The following CSMD3 variants were observed in gnomAD, a reference collection of about 807,000 sequenced individuals.
CSMD3 encodes the protein CUB and Sushi multiple domains 3.
CSMD3 carries 177 observed loss-of-function variants against 435.2 expected under a neutral mutation model. The observed-to-expected ratio is 0.41, with a 90% CI of 0.36 to 0.46. The LOEUF is 0.46. Ranked by LOEUF, CSMD3 falls within the 20% of genes least tolerant of loss-of-function variation. The probability of loss-of-function intolerance (pLI) is 0.34; values close to 1 mark genes in which losing one functional copy is unlikely to be tolerated. For synonymous variants in CSMD3, 1,656 were observed against 1,520.5 expected (o/e 1.09, Z -2.07); for missense variants, 4,265 against 4,504.6 (o/e 0.95, Z 1.52).
intron 40 of CSMD3, among the ~76,000 whole-genome samples, chr8:112,347,650 T>G (rs1189639028): frequency 6.6e-6 from 1 of 152,190 alleles, no homozygotes; most frequent in Non-Finnish European, 1.5e-5. Context: ...CCCATATGCT[T>G]TTTTATGCTT....
rs113718916 is a variant in CSMD3, at chr8:113,372,758, C to A, written c.179-57965G>T. On this transcript the variant is annotated intron_variant, in intron 1 of 70. Coordinates refer to ENST00000297405, the MANE Select transcript of CSMD3 (RefSeq NM_198123.2). Reference sequence around the variant, plus strand: ...ACCATCCTGGCTAACAAGGTGAAACCCCGTCTCTAACTAAAAATACAAAAA... The same window carrying A: ...ACCATCCTGGCTAACAAGGTGAAACACCGTCTCTAACTAAAAATACAAAAA... Among the ~76,000 whole-genome samples, 1,321 of 151,906 alleles carry A rather than the reference C, an allele frequency of 8.7e-3. 17 individuals carry two copies. Among genetic ancestry groups the A allele is most frequent in the African/African-American group, 0.03 (1,238 of 41,474 alleles).
At chr8:113,080,365 T>C (rs1221134314) in intron 5 of CSMD3, among the ~76,000 whole-genome samples, 1 of 152,200 alleles carries the variant, frequency 6.6e-6, no homozygotes, top group African/African-American at 2.4e-5. Context: ...TGGATGTAAC[T>C]ACTGAAGCTA....
At chr8:113,403,629 G>C (rs2094519976) in intron 1 of CSMD3, among the ~76,000 whole-genome samples, 1 of 151,314 alleles carries the variant, frequency 6.6e-6, no homozygotes, top group South Asian at 2.1e-4. Context: ...AGCAATTTTT[G>C]CATTAGTACT....
chr8:112,714,648 A>C (rs2076683826), intron 13 of CSMD3, among the ~76,000 whole-genome samples: 1 of 152,222 alleles, frequency 6.6e-6, no homozygotes, highest in Non-Finnish European at 1.5e-5. Context: ...CATCTCACTT[A>C]TTCTAAAATC....
chr8:113,098,239 T>C (rs542240472), intron 5 of CSMD3, among the ~76,000 whole-genome samples: 1 of 152,188 alleles, frequency 6.6e-6, no homozygotes, highest in Admixed American at 6.6e-5. Flanking sequence ...CTCAATGATA[T>C]AATTAGATAC....
At chr8:112,713,166 T>C (rs980157605) in intron 13 of CSMD3, among the ~76,000 whole-genome samples, 2 of 151,980 alleles carry the variant, frequency 1.3e-5, no homozygotes, top group African/African-American at 4.8e-5. Flanking sequence ...ATCCCACCCC[T>C]TAGCCAAGGG....
intron 10 of CSMD3, among the ~76,000 whole-genome samples, chr8:112,914,467 C>T (rs758336713): frequency 2.0e-5 from 3 of 151,560 alleles, no homozygotes; most frequent in Non-Finnish European, 4.4e-5. Flanking sequence ...GATGTTGACA[C>T]TATTTACCTA....
chr8:112,962,359 A>G (rs1030207417), intron 7 of CSMD3, among the ~76,000 whole-genome samples: 7 of 151,854 alleles, frequency 4.6e-5, no homozygotes, highest in Admixed American at 2.6e-4. Context: ...TTCGCACTCA[A>G]CATAAGAAAT....
chr8:112,841,232 G>A (rs1218653599), intron 11 of CSMD3, among the ~76,000 whole-genome samples: 1 of 151,444 alleles, frequency 6.6e-6, no homozygotes, highest in African/African-American at 2.4e-5. Context: ...TCTTTCTTTA[G>A]TTCTACAGTC....
intron 55 of CSMD3, among the ~76,000 whole-genome samples, chr8:112,291,906 A>C (rs1819799314): frequency 6.6e-6 from 1 of 152,080 alleles, no homozygotes; most frequent in Non-Finnish European, 1.5e-5. Flanking sequence ...ATTTGGCAAC[A>C]ATTAGGAAAA....
At chr8:112,843,825 C>T (rs2080246373) in intron 11 of CSMD3, among the ~76,000 whole-genome samples, 1 of 151,920 alleles carries the variant, frequency 6.6e-6, no homozygotes, top group African/African-American at 2.4e-5. Flanking sequence ...AGTTTTATTG[C>T]AGTGAGCCCC....
intron 32 of CSMD3, among the ~76,000 whole-genome samples, chr8:112,436,769 A>G (rs1431470514): frequency 6.6e-6 from 1 of 152,052 alleles, no homozygotes; most frequent in Admixed American, 6.6e-5. Context: ...TCTAGGTTCT[A>G]TATAAATTTT....
chr8:112,696,067 C>A (rs935199893), intron 13 of CSMD3, among the ~76,000 whole-genome samples: 2 of 151,852 alleles, frequency 1.3e-5, no homozygotes, highest in Non-Finnish European at 1.5e-5. Flanking sequence ...CACTGCTCAG[C>A]GAAATAAAAG....
At chr8:112,609,780 G>T (rs1399110234) in intron 22 of CSMD3, among the ~76,000 whole-genome samples, 1 of 151,980 alleles carries the variant, frequency 6.6e-6, no homozygotes, top group Non-Finnish European at 1.5e-5. Flanking sequence ...ATGGATGAAT[G>T]GGAAAGAAAA....
chr8:112,835,590 A>G (rs923384356), intron 11 of CSMD3, among the ~76,000 whole-genome samples: 2 of 151,828 alleles, frequency 1.3e-5, no homozygotes, highest in Admixed American at 6.6e-5. Context: ...TATTCATTGT[A>G]TCCAGTGTAC....
chr8:113,157,462 C>A (rs2091956347), intron 4 of CSMD3, among the ~76,000 whole-genome samples: 1 of 133,096 alleles, frequency 7.5e-6, no homozygotes, highest in South Asian at 2.2e-4. Context: ...TTTTTGATTT[C>A]TTCAAAGGTA....
chr8:113,030,016 C>T (rs2087025223), intron 5 of CSMD3, among the ~76,000 whole-genome samples: 3 of 151,394 alleles, frequency 2.0e-5, no homozygotes, highest in African/African-American at 7.3e-5. Context: ...GAACTGAACC[C>T]CTTTTATAAT....
At chr8:113,121,380 A>C (rs2090980794) in intron 4 of CSMD3, among the ~76,000 whole-genome samples, 1 of 152,058 alleles carries the variant, frequency 6.6e-6, no homozygotes, top group South Asian at 2.1e-4. Context: ...TGAGTGTACC[A>C]TTGTTTTCTA....
intron 7 of CSMD3, among the ~76,000 whole-genome samples, chr8:112,970,915 G>T (rs776622715): frequency 6.6e-5 from 10 of 151,758 alleles, no homozygotes; most frequent in Admixed American, 6.6e-4. Flanking sequence ...TAGAGATGGG[G>T]TTTCACCGTG....
Sources: gnomAD v4.1 joint callset for allele counts (sites outside exome capture counted in the v4.1 genomes callset) on GRCh38, gnomAD v4.1.1 for gene constraint, MANE v1.5 for transcripts, NCBI Gene and HGNC (gene_info 2026-07-23, HGNC 2026-07-21) for gene names.